Variants in CADPS observed in about 807,000 individuals in gnomAD.
The protein encoded by CADPS is calcium dependent secretion activator, also known as calcium-dependent secretion activator 1.
A neutral mutation model predicts 167.3 loss-of-function variants in CADPS; 57 were observed. That is an observed-to-expected ratio of 0.34 (90% CI 0.28 to 0.42). CADPS has a LOEUF of 0.42. Ranked by LOEUF, CADPS falls within the 20% of genes least tolerant of loss-of-function variation. The pLI is 1.00. For missense variants in CADPS, 1,414 were observed against 1,738.1 expected (o/e 0.81, Z 3.32); for synonymous variants, 676 against 635.3 (o/e 1.06, Z -0.96).
chr3:62,493,978 TAGATA>T (rs2064187479), intron 18 of CADPS, among the ~76,000 whole-genome samples: 5 of 152,206 alleles, frequency 3.3e-5, no homozygotes. Flanking sequence ...GTAATAATTA[TAGATA>T]AGATGACTTA....
At chr3:62,737,564 A>G (rs968130212) in intron 3 of CADPS, among the ~76,000 whole-genome samples, 1 of 152,174 alleles carries the variant, frequency 6.6e-6, no homozygotes, top group Non-Finnish European at 1.5e-5. Flanking sequence ...TGGGCAAATC[A>G]GATCTGTCAG....
intron 10 of CADPS, chr3:62,550,966 C>G (rs1700485485): frequency 2.2e-6 from 1 of 455,646 alleles, no homozygotes; most frequent in Non-Finnish European, 4.4e-6. Context: ...CTGGTGGCTC[C>G]TCCTCCTCCT....
chr3:62,593,488 T>G (rs748853576), intron 6 of CADPS, among the ~76,000 whole-genome samples: 1 of 152,194 alleles, frequency 6.6e-6, no homozygotes, highest in Non-Finnish European at 1.5e-5. Flanking sequence ...AGAATTCATC[T>G]CTATCCATTC....
chr3:62,862,188 T>A (rs1032510659), intron 1 of CADPS, among the ~76,000 whole-genome samples: 4 of 150,010 alleles, frequency 2.7e-5, no homozygotes, highest in Non-Finnish European at 5.9e-5. Flanking sequence ...TTAGTCCTCA[T>A]AAAAATATTG....
intron 1 of CADPS, among the ~76,000 whole-genome samples, chr3:62,805,603 T>G (rs946723011): frequency 2.0e-5 from 3 of 152,198 alleles, no homozygotes; most frequent in Non-Finnish European, 4.4e-5. Context: ...CAGCACTAAC[T>G]ATATGTAAAG....
chr3:62,625,514 C>T (rs2600850), intron 6 of CADPS: 140,657 of 150,588 alleles, frequency 0.93, 66,386 homozygotes, highest in East Asian at 1. Flanking sequence ...AGTGTTTATC[C>T]TATCCCTGCT....
intron 3 of CADPS, among the ~76,000 whole-genome samples, chr3:62,687,750 T>TTTTGCTTCTATCTTAACGC: frequency 7.0e-6 from 1 of 142,592 alleles, no homozygotes; most frequent in East Asian, 2.0e-4. Flanking sequence ...TTTTTTTTTT[T>TTTTGCTTCTATCTTAACGC]TTGCTTCTAT....
At chr3:62,777,030 C>T (rs1000691161) in intron 1 of CADPS, among the ~76,000 whole-genome samples, 1 of 152,106 alleles carries the variant, frequency 6.6e-6, no homozygotes, top group Non-Finnish European at 1.5e-5. Context: ...GTATGCACAA[C>T]AGAGGAGTCC....
At chr3:62,708,567 G>T (rs4688322) in intron 3 of CADPS, among the ~76,000 whole-genome samples, 105,999 of 151,814 alleles carry the variant, frequency 0.7, 37,512 homozygotes, top group East Asian at 0.86. Flanking sequence ...TCTCCTACAC[G>T]CCCTGCTTCA....
intron 13 of CADPS, among the ~76,000 whole-genome samples, chr3:62,529,634 A>G (rs1041241950): frequency 7.9e-5 from 12 of 152,218 alleles, no homozygotes; most frequent in African/African-American, 2.9e-4. Flanking sequence ...GGATGGCCAC[A>G]TGGAATCAGG....
chr3:62,798,068 T>C (rs1357759821), intron 1 of CADPS, among the ~76,000 whole-genome samples: 2 of 152,134 alleles, frequency 1.3e-5, no homozygotes, highest in Non-Finnish European at 2.9e-5. Flanking sequence ...AGACAGACAA[T>C]ATACAAGTAA....
At chr3:62,780,516 G>C (rs977247050) in intron 1 of CADPS, among the ~76,000 whole-genome samples, 91 of 152,152 alleles carry the variant, frequency 6.0e-4, no homozygotes, top group African/African-American at 2.1e-3. Context: ...CTTGGAGAAT[G>C]AGGTCCTCTC....
In CADPS at chr3:62,444,616, C is replaced by G. The variant is rs573301872; in HGVS notation, c.3669+1149G>C. ...ATAAGAACTGTCTACCTGAAGGAAT[C>G]TGAGGTTTGTGGATAGGAAGTATCA... On this transcript the variant is annotated intron_variant, in intron 27 of 29. Coordinates refer to ENST00000383710, the MANE Select transcript of CADPS (RefSeq NM_003716.4). 8.5e-5 allele frequency among the ~76,000 whole-genome samples: 13 copies of G among 152,264 alleles called. No homozygotes were observed. In the South Asian group the frequency reaches 2.7e-3, roughly 32 times the overall value.
At position 62,438,994 on chromosome 3, in the gene CADPS, T is replaced by C. The variant is rs895157219; in HGVS notation, c.3670-783A>G. On this transcript the variant is annotated intron_variant, in intron 27 of 29. Transcript: ENST00000383710. The surrounding 1 kb of genome is among the most constrained non-coding windows in gnomAD (Gnocchi z 4.7). ...CCTGCAGTTAGGAAATGACTTATTG[T>C]AGGGAAGTAAAAAAAAAAAGAAACT... is the stretch of plus-strand genomic sequence containing the variant. 6 of 151,264 alleles carry C rather than the reference T, an allele frequency of 4.0e-5. No individual in the cohort carries two copies. Among genetic ancestry groups the C allele is most frequent in the African/African-American group, 1.5e-4 (6 of 41,040 alleles). 9.4% of individuals were successfully genotyped at this position (151,264 alleles called of 1,614,324 possible).
In CADPS at chr3:62,731,687, C is replaced by T. The variant is rs114914839; in HGVS notation, c.888+21754G>A. ...AATGTGAGGTAGGAATACAATTTGC[C>T]AACACATATTTCTTGAGGTGTATTA... is the stretch of plus-strand genomic sequence containing the variant. On this transcript the variant is annotated intron_variant, in intron 3 of 29. Transcript: ENST00000383710. Among the ~76,000 whole-genome samples the T allele has an allele frequency of 2.2e-3, 332 of 150,678 alleles. 2 individuals are homozygous for T. The highest frequency in any genetic ancestry group is 7.1e-3 in the African/African-American group (292 of 41,066).
rs966580843 is a variant in CADPS, at chr3:62,626,584, G to T, written c.1325+19138C>A. ...TTTCTCCTGATTACCCTAGGAAGAAGTTCTCAGTGTGAAGGAAGAACGTCT... is the reference window on the plus strand; with the variant it reads ...TTTCTCCTGATTACCCTAGGAAGAATTTCTCAGTGTGAAGGAAGAACGTCT... On this transcript the variant is annotated intron_variant, in intron 6 of 29. Coordinates refer to ENST00000383710, the MANE Select transcript of CADPS (RefSeq NM_003716.4). 7.1e-6 allele frequency: 5 copies of T among 701,738 alleles called. No individual in the cohort carries two copies. The African/African-American group carries it at 8.7e-5, about 12-fold the overall frequency. The allele number at this position is 701,738 out of a possible 1,614,324, so 43.5% of individuals were successfully genotyped here.
At chr3:62,748,436 C>A (rs1385928426) in intron 3 of CADPS, among the ~76,000 whole-genome samples, 1 of 149,676 alleles carries the variant, frequency 6.7e-6, no homozygotes, top group East Asian at 2.0e-4. Flanking sequence ...GGGAAAATAT[C>A]CGCACAGTTT....
intron 3 of CADPS, among the ~76,000 whole-genome samples, chr3:62,675,738 C>T (rs2076242736): frequency 6.6e-6 from 1 of 152,106 alleles, no homozygotes; most frequent in African/African-American, 2.4e-5. Context: ...TGGTAAACCA[C>T]CATGAAGACA....
chr3:62,678,931 C>T (rs923774895), intron 3 of CADPS, among the ~76,000 whole-genome samples: 5 of 151,864 alleles, frequency 3.3e-5, no homozygotes, highest in African/African-American at 7.3e-5. Context: ...AAGAAAACAG[C>T]GAAAGGAGAG....
Sources: gnomAD v4.1 joint callset for allele counts (sites outside exome capture counted in the v4.1 genomes callset) on GRCh38, gnomAD v4.1.1 for gene constraint, Gnocchi (gnomAD v3.1) non-coding constraint, MANE v1.5 for transcripts, NCBI Gene and HGNC (gene_info 2026-07-23, HGNC 2026-07-21) for gene names.